Variants in INPP5F observed in about 807,000 individuals in gnomAD.
The protein encoded by INPP5F is phosphatidylinositide 4-phosphatase SAC2.
A neutral mutation model predicts 137.2 loss-of-function variants in INPP5F; 97 were observed. That is an observed-to-expected ratio of 0.71 (90% confidence interval 0.60 to 0.84). INPP5F has a LOEUF of 0.84. Among genes scored for constraint, INPP5F ranks in the 40% least tolerant of loss-of-function variants. INPP5F has a pLI of 0.00. For missense variants in INPP5F, 1,271 were observed against 1,371.9 expected (o/e 0.93, Z 1.16); for synonymous variants, 504 against 476.9 (o/e 1.06, Z -0.74).
intron 14 of INPP5F, among the ~76,000 whole-genome samples, chr10:119,810,613 C>G (rs999334765): frequency 6.6e-6 from 1 of 152,136 alleles, no homozygotes; most frequent in African/African-American, 2.4e-5. Flanking sequence ...GTTCTGTGTT[C>G]TTGCTGTGGA....
At chr10:119,738,580 C>G (rs1055414403) in intron 1 of INPP5F, among the ~76,000 whole-genome samples, 4 of 152,100 alleles carry the variant, frequency 2.6e-5, no homozygotes, top group Non-Finnish European at 5.9e-5. Context: ...TACACATGTC[C>G]TCTGTACAGA....
chr10:119,759,493 G>A (rs1264434579), intron 2 of INPP5F, among the ~76,000 whole-genome samples: 1 of 151,918 alleles, frequency 6.6e-6, no homozygotes, highest in East Asian at 1.9e-4. Context: ...TGGTTTAAGC[G>A]ATTCTTGTGC....
In INPP5F at chr10:119,824,673, A is replaced by G. The variant is rs182974847; in HGVS notation, c.2249+771A>G. 1.1e-3 allele frequency among the ~76,000 whole-genome samples: 166 copies of G among 152,310 alleles called. 1 individual carries two copies. The highest frequency in any genetic ancestry group is 3.4e-3 in the Middle Eastern group (1 of 294). ...GGGAAATTACTTTGAGACTATGTAA[A>G]TATTGTTTCTGTGTAAACCTAAGAC... On this transcript the variant is annotated intron_variant, in intron 19 of 19. Transcript: ENST00000650623.
At chr10:119,821,238 T>G (rs1242609128) in intron 16 of INPP5F, among the ~76,000 whole-genome samples, 1 of 152,210 alleles carries the variant, frequency 6.6e-6, no homozygotes, top group Non-Finnish European at 1.5e-5. Context: ...CACGTATCAT[T>G]GTTTGCATTA....
chr10:119,779,506 A>C (rs1174100050), intron 2 of INPP5F, among the ~76,000 whole-genome samples: 3 of 151,726 alleles, frequency 2.0e-5, no homozygotes, highest in Non-Finnish European at 4.4e-5. Flanking sequence ...TGCAGCATCA[A>C]CCTCCCAGGC....
At position 119,806,452 on chromosome 10, in the gene INPP5F, C is replaced by G. The variant is rs1850790341; in HGVS notation, c.1412C>G (p.Ala471Gly). Residue 471 changes from alanine (A) to glycine (G), a missense_variant, in exon 12 of 20, where the codon GCC (alanine) becomes GGC (glycine). Transcript: ENST00000650623. ...GATCGCACCAACGTGGTCCAAGCTGCCATCGCGAGAGTGGTCATGGAACAG... is the reference window on the plus strand; with the variant it reads ...GATCGCACCAACGTGGTCCAAGCTGGCATCGCGAGAGTGGTCATGGAACAG... ...CLDRTNVVQA[A>G]IARVVMEQQL... 2 of 1,607,766 alleles carry G rather than the reference C, an allele frequency of 1.2e-6. No homozygotes were observed. Among genetic ancestry groups the G allele is most frequent in the Non-Finnish European group, 1.7e-6 (2 of 1,177,446 alleles).
chr10:119,804,035 G>A, intron 9 of INPP5F, 138 bp from the exon 10 acceptor site: 1 of 563,126 alleles, frequency 1.8e-6, no homozygotes, highest in East Asian at 3.2e-5. Flanking sequence ...TAATTTCTAA[G>A]TATGGCTATA....
At chr10:119,777,057 A>G (rs1849547483) in intron 2 of INPP5F, among the ~76,000 whole-genome samples, 1 of 152,026 alleles carries the variant, frequency 6.6e-6, no homozygotes, top group South Asian at 2.1e-4. Flanking sequence ...GGCCTCAGCT[A>G]ATTTTTAAAA....
rs993230805 is a variant in INPP5F at position 119,726,228 on chromosome 10, G to A, written c.-35G>A. On this transcript the variant is annotated 5_prime_UTR_variant, in exon 1 of 20. Transcript: ENST00000650623. Reference sequence around the variant, plus strand: ...GACTAGGACGCCCCGTGCGCCGCCCGCGGGCCGCCGCCTCCCTGGGCGCGC... The same window carrying A: ...GACTAGGACGCCCCGTGCGCCGCCCACGGGCCGCCGCCTCCCTGGGCGCGC... 5.1e-6 allele frequency: 7 copies of A among 1,379,388 alleles called. No homozygotes were observed. The highest frequency in any genetic ancestry group is 1.5e-5 in the African/African-American group (1 of 65,310). The allele number at this position is 1,379,388 out of a possible 1,614,324, so 85.4% of individuals were successfully genotyped here. A position where few individuals can be genotyped will look rare whatever the true frequency, so the allele number is the denominator to read the frequency against.
intron 2 of INPP5F, among the ~76,000 whole-genome samples, chr10:119,777,884 C>T (rs1849577009): frequency 6.6e-6 from 1 of 152,160 alleles, no homozygotes; most frequent in Admixed American, 6.5e-5. Flanking sequence ...TGTTTCCAAA[C>T]TTCTGCATTT....
intron 2 of INPP5F, among the ~76,000 whole-genome samples, chr10:119,764,457 A>G (rs1005085122): frequency 6.6e-6 from 1 of 152,210 alleles, no homozygotes; most frequent in Non-Finnish European, 1.5e-5. Context: ...TGAGACCTCA[A>G]GACCAACCCG....
chr10:119,765,452 G>A lies in INPP5F; in HGVS notation c.178+14296G>A, dbSNP rs147098435. On this transcript the variant is annotated intron_variant, in intron 2 of 19. Coordinates refer to ENST00000650623, the MANE Select transcript of INPP5F (RefSeq NM_014937.4). The stretch of plus-strand genomic sequence containing the variant: ...AGTGGCGTGATCTCAGCTCACTACA[G>A]CCTCGACTGCCTAGGTTCAAGCGAC... Among the ~76,000 whole-genome samples the A allele has an allele frequency of 2.6e-3, 390 of 152,014 alleles. 1 individual carries two copies. Among genetic ancestry groups the A allele is most frequent in the African/African-American group, 9.0e-3 (372 of 41,464 alleles).
intron 6 of INPP5F, among the ~76,000 whole-genome samples, chr10:119,794,366 CAGA>C (rs1200975905): frequency 2.6e-5 from 4 of 152,182 alleles, no homozygotes; most frequent in Admixed American, 6.5e-5. Flanking sequence ...GATCCCAAGG[CAGA>C]AGAATTTTTC....
At chr10:119,819,690 G>A in intron 15 of INPP5F, 4 of 453,524 alleles carry the variant, frequency 8.8e-6, no homozygotes, top group Non-Finnish European at 1.6e-5. Context: ...TCCCGGTCTT[G>A]GCATCTCATT....
At chr10:119,807,122 T>A (rs1850824843) in intron 12 of INPP5F, among the ~76,000 whole-genome samples, 1 of 151,984 alleles carries the variant, frequency 6.6e-6, no homozygotes, top group Admixed American at 6.6e-5. Context: ...ATCCCGTCCC[T>A]ACTAGCTGGG....
At chr10:119,771,074 A>G (rs1849318224) in intron 2 of INPP5F, among the ~76,000 whole-genome samples, 1 of 152,170 alleles carries the variant, frequency 6.6e-6, no homozygotes. Flanking sequence ...CCAAGAATGA[A>G]ACCTCTCAGA....
chr10:119,726,345 TC>T lies in INPP5F; in HGVS notation c.85del (p.Gln29SerfsTer20). 9 of 1,438,652 alleles carry T rather than the reference TC, an allele frequency of 6.3e-6. No homozygotes were observed. The highest frequency in any genetic ancestry group is 8.3e-6 in the Non-Finnish European group (9 of 1,089,846). The allele number at this position is 1,438,652 out of a possible 1,614,324, so 89.1% of individuals were successfully genotyped here. A position where few individuals can be genotyped will look rare whatever the true frequency, so the allele number is the denominator to read the frequency against. On this transcript the variant is annotated frameshift_variant, in exon 1 of 20. Transcript: ENST00000650623. LOFTEE classifies it high-confidence loss of function. ...ALWCSRRDGG[L>X]QLRPATDLLL... is the part of the protein sequence containing the mutation. ...TGGTGCAGCCGCCGCGACGGCGGCC[TC>T]CAGCTCCGACCCGGTGAGGCTGGCG...
At position 119,765,864 on chromosome 10, in the gene INPP5F, A is replaced by ACT. The variant is rs1564816124; in HGVS notation, c.178+14709_178+14710dup. The stretch of plus-strand genomic sequence containing the variant: ...ATTAATCTCTCTGTATACACTATAT[A>ACT]CTATATATATATATATAGAGAGAGA... On this transcript the variant is annotated intron_variant, in intron 2 of 19. Coordinates refer to ENST00000650623, the MANE Select transcript of INPP5F (RefSeq NM_014937.4). 2.9e-4 allele frequency among the ~76,000 whole-genome samples: 9 copies of ACT among 30,748 alleles called. No homozygotes were observed. In the Admixed American group the frequency reaches 3.3e-3, roughly 11 times the overall value. 20.2% of individuals were successfully genotyped at this position (30,748 alleles called of 152,430 possible).
chr10:119,793,136 C>T (rs550033336), intron 6 of INPP5F, among the ~76,000 whole-genome samples: 1 of 152,246 alleles, frequency 6.6e-6, no homozygotes, highest in South Asian at 2.1e-4. Context: ...TGTGTGCTGA[C>T]AATATCGAGC....
Sources: gnomAD v4.1 joint callset for allele counts (sites outside exome capture counted in the v4.1 genomes callset) on GRCh38, gnomAD v4.1.1 for gene constraint, MANE v1.5 for transcripts, NCBI Gene and HGNC (gene_info 2026-07-23, HGNC 2026-07-21) for gene names.